Variants in ANKRD31 observed in about 807,000 individuals in gnomAD.
ANKRD31 encodes ankyrin repeat domain-containing protein 31.
ANKRD31 carries 147 observed loss-of-function variants against 186.0 expected under a neutral mutation model. The ratio of observed to expected loss-of-function variants is 0.79; its 90% CI spans 0.69 to 0.91. The LOEUF (loss-of-function observed/expected upper bound fraction) is 0.91, where lower values mean the gene tolerates loss of function less well. ANKRD31 is among the 40% of genes least tolerant of loss of function. The probability of loss-of-function intolerance (pLI) is 0.00; values close to 1 mark genes in which losing one functional copy is unlikely to be tolerated. For synonymous variants in ANKRD31, 673 were observed against 736.4 expected (o/e 0.91, Z 1.39); for missense variants, 1,986 against 2,148.8 (o/e 0.92, Z 1.50).
At position 75,193,467 on chromosome 5, in the gene ANKRD31, G is replaced by C; in HGVS notation, c.1142C>G (p.Ala381Gly). 1 of 1,537,286 alleles carries C rather than the reference G, an allele frequency of 6.5e-7. No homozygotes were observed. The highest frequency in any genetic ancestry group is 8.7e-7 in the Non-Finnish European group (1 of 1,146,764). The change falls in exon 8 of 26, where the codon GCG (alanine) becomes GGG (glycine). Residue 381 changes from alanine (A) to glycine (G), a missense_variant. Physicochemically the swap from Ala to Gly is moderately conservative, Grantham distance 60. Transcript: ENST00000506364. ...TCTGGATGATCTCCTCAACACACAC[G>C]CAGTTTCCTGATCAGAGCTATTTGT... is the stretch of plus-strand genomic sequence containing the variant. ...SVTNSSDQET[A>G]CVLRRSSRLE...
In ANKRD31 at chr5:75,219,847, C is replaced by T. The variant is rs141266818; in HGVS notation, c.288+2402G>A. Among the ~76,000 whole-genome samples the T allele has an allele frequency of 2.0e-3, 303 of 152,280 alleles. 1 individual carries two copies. Among genetic ancestry groups the T allele is most frequent in the Non-Finnish European group, 3.2e-3 (215 of 68,016 alleles). ...CAGAAATACAGCTACACATCTATGACCATCTGATCTTTGGCAAAGCTGACA... is the reference window on the plus strand; with the variant it reads ...CAGAAATACAGCTACACATCTATGATCATCTGATCTTTGGCAAAGCTGACA... On this transcript the variant is annotated intron_variant, in intron 3 of 25. Coordinates refer to ENST00000506364, the MANE Select transcript of ANKRD31 (RefSeq NM_001372053.1).
At chr5:75,164,622 G>A (rs1388849504) in intron 11 of ANKRD31, among the ~76,000 whole-genome samples, 1 of 152,134 alleles carries the variant, frequency 6.6e-6, no homozygotes, top group South Asian at 2.1e-4. Context: ...ACTCCCTTGG[G>A]ATCACCAACT....
chr5:75,193,235 C>A, intron 8 of ANKRD31, 76 bp downstream of exon 8: 1 of 1,428,598 alleles, frequency 7.0e-7, no homozygotes, highest in Non-Finnish European at 9.3e-7. Flanking sequence ...TATACTGACC[C>A]TGATGTCCCC....
chr5:75,111,905 C>T (rs1747818986), intron 20 of ANKRD31, among the ~76,000 whole-genome samples: 1 of 152,172 alleles, frequency 6.6e-6, no homozygotes, highest in Non-Finnish European at 1.5e-5. Context: ...GCTGCACCAC[C>T]TTCCACTGCA....
intron 22 of ANKRD31, among the ~76,000 whole-genome samples, chr5:75,095,578 A>G (rs1398465847): frequency 6.6e-6 from 1 of 152,196 alleles, no homozygotes; most frequent in Non-Finnish European, 1.5e-5. Flanking sequence ...CCTGCCCAGG[A>G]TGTGAATCAT....
At chr5:75,215,594 T>C (rs919314537) in intron 3 of ANKRD31, among the ~76,000 whole-genome samples, 1 of 152,212 alleles carries the variant, frequency 6.6e-6, no homozygotes, top group Non-Finnish European at 1.5e-5. Flanking sequence ...TTTTAAAGAT[T>C]GATGCCTACA....
At chr5:75,168,006 T>C (rs1421392811) in intron 11 of ANKRD31, among the ~76,000 whole-genome samples, 1 of 152,084 alleles carries the variant, frequency 6.6e-6, no homozygotes, top group Non-Finnish European at 1.5e-5. Context: ...AACTGGATCC[T>C]GGGAAGAATT....
chr5:75,166,517 A>G (rs1331421869), intron 11 of ANKRD31, among the ~76,000 whole-genome samples: 1 of 152,154 alleles, frequency 6.6e-6, no homozygotes, highest in Non-Finnish European at 1.5e-5. Context: ...CTGTAGACAC[A>G]CATAAAATGA....
chr5:75,215,884 G>A (rs1756932423), intron 3 of ANKRD31, among the ~76,000 whole-genome samples: 1 of 151,544 alleles, frequency 6.6e-6, no homozygotes, highest in African/African-American at 2.4e-5. Context: ...GATAAAATCA[G>A]TTTCTCTCAT....
intron 15 of ANKRD31, 97 bp from the exon 16 acceptor site, chr5:75,139,080 C>A: frequency 7.7e-7 from 1 of 1,305,542 alleles, no homozygotes; most frequent in Non-Finnish European, 1.0e-6. Flanking sequence ...AAATACCACA[C>A]TACACAGAAA....
chr5:75,116,496 T>C (rs1748281659), intron 19 of ANKRD31, 70 bp downstream of exon 19: 1 of 898,710 alleles, frequency 1.1e-6, no homozygotes, highest in African/African-American at 1.7e-5. Flanking sequence ...CATTAGCCAA[T>C]AACTAACTGG....
intron 17 of ANKRD31, among the ~76,000 whole-genome samples, chr5:75,128,670 ATTT>A (rs11334083): frequency 4.3e-5 from 6 of 138,216 alleles, no homozygotes; most frequent in African/African-American, 1.3e-4. Context: ...TTCCCAGCTA[ATTT>A]TTTTTTTTTT....
intron 25 of ANKRD31, among the ~76,000 whole-genome samples, chr5:75,077,549 G>A (rs1744744840): frequency 9.3e-6 from 1 of 108,090 alleles, no homozygotes; most frequent in Non-Finnish European, 1.7e-5. Flanking sequence ...AATTGGGTCT[G>A]AGGTACTTGA....
At chr5:75,126,011 CTT>C (rs1444055773) in intron 17 of ANKRD31, among the ~76,000 whole-genome samples, 1 of 152,232 alleles carries the variant, frequency 6.6e-6, no homozygotes, top group African/African-American at 2.4e-5. Flanking sequence ...TACCAAGACT[CTT>C]TGGTCTCTGG....
At chr5:75,166,989 A>T (rs894930424) in intron 11 of ANKRD31, among the ~76,000 whole-genome samples, 7 of 152,160 alleles carry the variant, frequency 4.6e-5, no homozygotes, top group Non-Finnish European at 1.0e-4. Flanking sequence ...TTTTTAGTAT[A>T]TTAAAAGGGT....
chr5:75,224,609 AAAGTTT>A (rs886166882), intron 2 of ANKRD31, among the ~76,000 whole-genome samples: 1 of 152,140 alleles, frequency 6.6e-6, no homozygotes, highest in African/African-American at 2.4e-5. Context: ...TCAAAAAAAT[AAAGTTT>A]GAGCCCTACC....
chr5:75,118,102 T>C (rs764156226), intron 18 of ANKRD31, 33 bp downstream of exon 18: 1 of 1,337,904 alleles, frequency 7.5e-7, no homozygotes. Context: ...GATATATCTC[T>C]ATATAAAATA....
chr5:75,089,689 T>A (rs538866848), intron 23 of ANKRD31, among the ~76,000 whole-genome samples: 31 of 152,224 alleles, frequency 2.0e-4, no homozygotes, highest in Non-Finnish European at 1.9e-4. Flanking sequence ...AACTCCGTTT[T>A]CATTTTTTTG....
At chr5:75,213,783 T>A (rs928687126) in intron 3 of ANKRD31, among the ~76,000 whole-genome samples, 3 of 152,104 alleles carry the variant, frequency 2.0e-5, no homozygotes, top group African/African-American at 7.2e-5. Flanking sequence ...AAGAAGCAAA[T>A]CTATTTCTAT....
Sources: gnomAD v4.1 joint callset for allele counts (sites outside exome capture counted in the v4.1 genomes callset) on GRCh38, gnomAD v4.1.1 for gene constraint, MANE v1.5 for transcripts, NCBI Gene and HGNC (gene_info 2026-07-23, HGNC 2026-07-21) for gene names.